The following EFEMP1 variants were observed in gnomAD, a reference collection of about 807,000 sequenced individuals.
The protein encoded by EFEMP1 is EGF-like fibulin extracellular matrix protein 1, also known as EGF-containing fibulin-like extracellular matrix protein 1.
Under a neutral mutation model 65.7 loss-of-function variants are expected in EFEMP1, and 18 were observed. That is an observed-to-expected ratio of 0.27 (90% CI 0.19 to 0.41). EFEMP1 has a LOEUF of 0.41. EFEMP1 is among the 10% of genes least tolerant of loss of function. The pLI, the probability that EFEMP1 is intolerant of heterozygous loss-of-function variation, is 1.00. For missense variants in EFEMP1, 469 were observed against 624.8 expected (o/e 0.75, Z 2.66); for synonymous variants, 237 against 219.7 (o/e 1.08, Z -0.70).
At chr2:55,884,467 C>T (rs1669353398) in intron 5 of EFEMP1, among the ~76,000 whole-genome samples, 1 of 152,158 alleles carries the variant, frequency 6.6e-6, no homozygotes, top group Admixed American at 6.6e-5. Context: ...ATACCCATCC[C>T]TGTGCAGATG....
intron 5 of EFEMP1, among the ~76,000 whole-genome samples, chr2:55,909,344 G>T (rs56210563): frequency 0.055 from 8,365 of 152,182 alleles, 346 homozygotes; most frequent in African/African-American, 0.12. Context: ...GTGGAGTTAC[G>T]GAGGATGGAA....
chr2:55,881,227 T>C (rs1361362969), intron 6 of EFEMP1, among the ~76,000 whole-genome samples: 1 of 152,186 alleles, frequency 6.6e-6, no homozygotes, highest in Non-Finnish European at 1.5e-5. Context: ...GGAATGCAAC[T>C]CCACCATTTG....
At position 55,866,933 on chromosome 2, in the gene EFEMP1, T is replaced by C. The variant is rs1668598353; in HGVS notation, c.*140A>G. On this transcript the variant is annotated 3_prime_UTR_variant, in exon 12 of 12. Transcript: ENST00000355426. ...CATATTAAATGCCCACTTTATACCA[T>C]GGTGTAATTGTTTGAATTATGGGTG... 2 of 1,079,842 alleles carry C rather than the reference T, an allele frequency of 1.9e-6. No individual in the cohort carries two copies. Among genetic ancestry groups the C allele is most frequent in the African/African-American group, 1.6e-5 (1 of 62,984 alleles). 66.9% of individuals were successfully genotyped at this position (1,079,842 alleles called of 1,614,324 possible). A position where few individuals can be genotyped will look rare whatever the true frequency, so the allele number is the denominator to read the frequency against.
Position 55,917,542 on chromosome 2 carries a change from G to T in EFEMP1, c.517+123C>A. The T allele has an allele frequency of 1.6e-6, 2 of 1,215,352 alleles. No homozygotes were observed. Among genetic ancestry groups the T allele is most frequent in the Non-Finnish European group, 2.4e-6 (2 of 819,200 alleles). The allele number at this position is 1,215,352 out of a possible 1,614,324, so 75.3% of individuals were successfully genotyped here. A position where few individuals can be genotyped will look rare whatever the true frequency, so the allele number is the denominator to read the frequency against. ...GAATATTGTGATGATTAAATATAAT[G>T]CAGACAAAGCACTTAGCATGATGTC... On this transcript the variant is annotated intron_variant, in intron 5 of 11. Coordinates refer to ENST00000355426, the MANE Select transcript of EFEMP1 (RefSeq NM_001039348.3). This position sits in a 1 kb window ranked among gnomAD's most constrained non-coding sequence, Gnocchi z 6.3.
At position 55,867,361 on chromosome 2, in the gene EFEMP1, C is replaced by T; in HGVS notation, c.1321-127G>A. The T allele has an allele frequency of 2.0e-6, 2 of 1,004,820 alleles. No homozygotes were observed. Among genetic ancestry groups the T allele is most frequent in the Non-Finnish European group, 2.9e-6 (2 of 688,066 alleles). The allele number at this position is 1,004,820 out of a possible 1,614,324, so 62.2% of individuals were successfully genotyped here. On this transcript the variant is annotated intron_variant, in intron 11 of 11. Coordinates refer to ENST00000355426, the MANE Select transcript of EFEMP1 (RefSeq NM_001039348.3). This position sits in a 1 kb window ranked among gnomAD's most constrained non-coding sequence, Gnocchi z 4.3. The stretch of plus-strand genomic sequence containing the variant: ...TGAAGGTGGTATAAAAGAGCCACTA[C>T]TTGGTCCCTTCTTGGTTTCAACTCT...
intron 5 of EFEMP1, among the ~76,000 whole-genome samples, chr2:55,899,553 T>A (rs1180556375): frequency 1.3e-5 from 2 of 152,212 alleles, no homozygotes; most frequent in Non-Finnish European, 2.9e-5. Flanking sequence ...AGTACTTAAA[T>A]CTACCTGGCT....
At chr2:55,907,364 A>T (rs1033524511) in intron 5 of EFEMP1, among the ~76,000 whole-genome samples, 8 of 152,214 alleles carry the variant, frequency 5.3e-5, no homozygotes, top group African/African-American at 1.9e-4. Context: ...TAGCCTACGT[A>T]GGCAGGTTTC....
At chr2:55,887,323 T>A (rs1322230551) in intron 5 of EFEMP1, among the ~76,000 whole-genome samples, 1 of 151,988 alleles carries the variant, frequency 6.6e-6, no homozygotes, top group Non-Finnish European at 1.5e-5. Context: ...GTGTTTTTAA[T>A]TTTTTTTAGC....
rs1668770135 is a variant in EFEMP1 at position 55,870,669 on chromosome 2, C to T, written c.1320+51G>A. The T allele has an allele frequency of 6.2e-7, 1 of 1,603,278 alleles. No homozygotes were observed. ...ACAACAACAACAACAACAACAACAACAACAAACTCCCATCTTTCTCAATAG... is the reference window on the plus strand; with the variant it reads ...ACAACAACAACAACAACAACAACAATAACAAACTCCCATCTTTCTCAATAG... On this transcript the variant is annotated intron_variant, in intron 11 of 11. Coordinates refer to ENST00000355426, the MANE Select transcript of EFEMP1 (RefSeq NM_001039348.3). This position sits in a 1 kb window ranked among gnomAD's most constrained non-coding sequence, Gnocchi z 5.8.
rs1250333545 is a variant in EFEMP1, at chr2:55,885,160, A to T, written c.518-3426T>A. ...AGGTATAAAGCAGATTCGCCAGAAGAGGTGGGTTCTCCACTGCATTTTGAA... is the reference window on the plus strand; with the variant it reads ...AGGTATAAAGCAGATTCGCCAGAAGTGGTGGGTTCTCCACTGCATTTTGAA... On this transcript the variant is annotated intron_variant, in intron 5 of 11. Coordinates refer to ENST00000355426, the MANE Select transcript of EFEMP1 (RefSeq NM_001039348.3). This position sits in a 1 kb window ranked among gnomAD's most constrained non-coding sequence, Gnocchi z 4.3. Among the ~76,000 whole-genome samples, 2 of 152,222 alleles carry T rather than the reference A, an allele frequency of 1.3e-5. No homozygotes were observed. Among genetic ancestry groups the T allele is most frequent in the Non-Finnish European group, 2.9e-5 (2 of 68,036 alleles).
chr2:55,871,182 A>G lies in EFEMP1; in HGVS notation c.1001-59T>C. The G allele has an allele frequency of 6.2e-7, 1 of 1,608,770 alleles. No individual in the cohort carries two copies. The highest frequency in any genetic ancestry group is 1.1e-5 in the South Asian group (1 of 91,010). ...TAAACTAATGAACTGATCTAATTAAATCATATAACTGGCAGATTCTGTTTG... is the reference window on the plus strand; with the variant it reads ...TAAACTAATGAACTGATCTAATTAAGTCATATAACTGGCAGATTCTGTTTG... On this transcript the variant is annotated intron_variant, in intron 9 of 11. Transcript: ENST00000355426. This position sits in a 1 kb window ranked among gnomAD's most constrained non-coding sequence, Gnocchi z 4.2.
In EFEMP1 at chr2:55,873,703, G is replaced by A. The variant is rs753961411; in HGVS notation, c.1000+1243C>T. 2.8e-4 allele frequency among the ~76,000 whole-genome samples: 43 copies of A among 152,012 alleles called. No individual in the cohort carries two copies. Among genetic ancestry groups the A allele is most frequent in the Non-Finnish European group, 5.7e-4 (39 of 67,934 alleles). On this transcript the variant is annotated intron_variant, in intron 9 of 11. Transcript: ENST00000355426. The surrounding 1 kb of genome is among the most constrained non-coding windows in gnomAD (Gnocchi z 4.6). ...AAAGGGTTATAAAGATGTTCATTGT[G>A]CAATGAACTACATTCTGATTATGCT...
At position 55,914,410 on chromosome 2, in the gene EFEMP1, T is replaced by G. The variant is rs147550227; in HGVS notation, c.517+3255A>C. On this transcript the variant is annotated intron_variant, in intron 5 of 11. Coordinates refer to ENST00000355426, the MANE Select transcript of EFEMP1 (RefSeq NM_001039348.3). ...AACTGAAAACACCCCCAAAAATACA[T>G]GAAGGGGAATAAACATATCATGTTT... 3.9e-5 allele frequency among the ~76,000 whole-genome samples: 6 copies of G among 152,274 alleles called. No individual in the cohort carries two copies. The East Asian group carries it at 9.7e-4, about 25-fold the overall frequency.
chr2:55,888,413 C>T (rs1390689008), intron 5 of EFEMP1, among the ~76,000 whole-genome samples: 2 of 142,342 alleles, frequency 1.4e-5, no homozygotes, highest in African/African-American at 5.3e-5. Context: ...TCTTGGCTCA[C>T]TGAAACCTCC....
chr2:55,906,939 G>T (rs185649637), intron 5 of EFEMP1, among the ~76,000 whole-genome samples: 19 of 152,328 alleles, frequency 1.2e-4, no homozygotes, highest in African/African-American at 4.6e-4. Flanking sequence ...TCTTGCTGCA[G>T]AAGTATATGA....
chr2:55,902,304 A>G (rs753491001), intron 5 of EFEMP1, among the ~76,000 whole-genome samples: 2 of 150,646 alleles, frequency 1.3e-5, no homozygotes, highest in Non-Finnish European at 2.9e-5. Context: ...GGCTGAAAGA[A>G]ATTCCAAAAG....
intron 5 of EFEMP1, among the ~76,000 whole-genome samples, chr2:55,913,369 A>T (rs920837842): frequency 2.0e-5 from 3 of 151,966 alleles, no homozygotes; most frequent in Admixed American, 1.3e-4. Context: ...ACTGTACTCG[A>T]TTTGGTTTTA....
intron 5 of EFEMP1, among the ~76,000 whole-genome samples, chr2:55,882,362 T>C (rs1398363555): frequency 6.6e-6 from 1 of 152,218 alleles, no homozygotes; most frequent in Non-Finnish European, 1.5e-5. Flanking sequence ...AGGATTCAAT[T>C]TGATCATATT....
intron 5 of EFEMP1, among the ~76,000 whole-genome samples, chr2:55,912,009 T>C (rs1670498280): frequency 6.6e-6 from 1 of 152,168 alleles, no homozygotes; most frequent in African/African-American, 2.4e-5. Flanking sequence ...ATTTGAAAAA[T>C]AATTTTCTCC....
Sources: allele counts gnomAD v4.1 joint callset (sites outside exome capture counted in the v4.1 genomes callset), GRCh38; gene constraint gnomAD v4.1.1; non-coding constraint Gnocchi (gnomAD v3.1); transcripts MANE v1.5; gene names NCBI Gene and HGNC (gene_info 2026-07-23, HGNC 2026-07-21).